TFEC: variants seen among roughly 807,000 people sequenced by gnomAD.
TFEC encodes transcription factor EC.
A neutral mutation model predicts 41.6 loss-of-function variants in TFEC; 31 were observed. The observed-to-expected ratio is 0.74, with a 90% CI of 0.56 to 1.01. The LOEUF (loss-of-function observed/expected upper bound fraction) is 1.01, where lower values mean the gene tolerates loss of function less well. Ranked by LOEUF, TFEC falls within the 50% of genes least tolerant of loss-of-function variation. TFEC has a pLI of 0.00. For missense variants in TFEC, 402 were observed against 404.1 expected (o/e 0.99, Z 0.04); for synonymous variants, 143 against 140.6 (o/e 1.02, Z -0.12).
At chr7:116,090,376 T>C (rs1451711489) in intron 3 of TFEC, among the ~76,000 whole-genome samples, 1 of 152,150 alleles carries the variant, frequency 6.6e-6, no homozygotes, top group Admixed American at 6.5e-5. Flanking sequence ...TGAGCTCCTA[T>C]GCTCGGCCTG....
chr7:116,030,293 A>G (rs1013828130), intron 1 of TFEC, among the ~76,000 whole-genome samples: 1 of 152,224 alleles, frequency 6.6e-6, no homozygotes, highest in African/African-American at 2.4e-5. Context: ...TCATAAAATA[A>G]CATATATAAG....
At chr7:116,098,284 C>G (rs578196072) in intron 3 of TFEC, among the ~76,000 whole-genome samples, 1 of 152,026 alleles carries the variant, frequency 6.6e-6, no homozygotes, top group Non-Finnish European at 1.5e-5. Context: ...CTCAGTCTCC[C>G]GAGTAGCTAG....
chr7:116,097,941 A>G (rs1271236253), intron 3 of TFEC, among the ~76,000 whole-genome samples: 1 of 152,216 alleles, frequency 6.6e-6, no homozygotes, highest in Non-Finnish European at 1.5e-5. Context: ...AGAATGAGAA[A>G]CAGAGTGAGT....
intron 1 of TFEC, among the ~76,000 whole-genome samples, chr7:116,017,210 TTGCTTTCCA>T (rs1237753897): frequency 6.6e-6 from 1 of 152,162 alleles, no homozygotes; most frequent in Non-Finnish European, 1.5e-5. Flanking sequence ...AATCTTTCAA[TTGCTTTCCA>T]TGTTTTTTTG....
At chr7:116,111,231 C>A (rs1797848967) in intron 2 of TFEC, among the ~76,000 whole-genome samples, 1 of 151,742 alleles carries the variant, frequency 6.6e-6, no homozygotes, top group African/African-American at 2.4e-5. Flanking sequence ...GGATTATGTA[C>A]AAAGGCAAGA....
At chr7:115,948,650 C>A (rs1283897818) in intron 6 of TFEC, among the ~76,000 whole-genome samples, 2 of 151,550 alleles carry the variant, frequency 1.3e-5, no homozygotes, top group African/African-American at 2.4e-5. Flanking sequence ...ATTCAACAAC[C>A]CTTCATGCTA....
chr7:115,983,303 A>AT (rs1793710531), intron 2 of TFEC, among the ~76,000 whole-genome samples: 1 of 151,802 alleles, frequency 6.6e-6, no homozygotes, highest in South Asian at 2.1e-4. Flanking sequence ...CCACATCCTT[A>AT]TTTTTTTCTC....
intron 1 of TFEC, among the ~76,000 whole-genome samples, chr7:116,144,877 G>C (rs1194726396): frequency 6.6e-6 from 1 of 152,088 alleles, no homozygotes; most frequent in Admixed American, 6.6e-5. Flanking sequence ...GTTCTTACCT[G>C]AATCTCCAGT....
chr7:115,979,201 T>C (rs943357965), intron 2 of TFEC, among the ~76,000 whole-genome samples: 1 of 152,166 alleles, frequency 6.6e-6, no homozygotes, highest in Non-Finnish European at 1.5e-5. Context: ...AATCTGATTA[T>C]GTTACCCTAG....
intron 3 of TFEC, among the ~76,000 whole-genome samples, chr7:116,055,677 T>A (rs1416210634): frequency 6.6e-6 from 1 of 152,018 alleles, no homozygotes; most frequent in Non-Finnish European, 1.5e-5. Flanking sequence ...CAAAGTAATT[T>A]TATATATATC....
chr7:116,021,053 T>C (rs1238316134), intron 1 of TFEC, among the ~76,000 whole-genome samples: 1 of 152,196 alleles, frequency 6.6e-6, no homozygotes, highest in African/African-American at 2.4e-5. Flanking sequence ...TCCATCCTTA[T>C]GGTGTTATTT....
At chr7:116,096,394 A>G (rs1797461304) in intron 3 of TFEC, among the ~76,000 whole-genome samples, 1 of 152,238 alleles carries the variant, frequency 6.6e-6, no homozygotes, top group Non-Finnish European at 1.5e-5. Context: ...TGGTGACGAA[A>G]TTAAACTGTA....
At chr7:115,962,259 C>T (rs1297329511) in intron 3 of TFEC, among the ~76,000 whole-genome samples, 5 of 151,686 alleles carry the variant, frequency 3.3e-5, no homozygotes, top group African/African-American at 9.7e-5. Context: ...TGTAACATTG[C>T]AATACTATCT....
intron 1 of TFEC, among the ~76,000 whole-genome samples, chr7:116,118,663 TTTCCTC>T (rs576643749): frequency 5.3e-5 from 8 of 151,816 alleles, no homozygotes; most frequent in Non-Finnish European, 8.8e-5. Flanking sequence ...GTCTAACACT[TTTCCTC>T]TAACAAAAAC....
chr7:115,981,494 C>T (rs1250013994), intron 2 of TFEC, among the ~76,000 whole-genome samples: 2 of 151,870 alleles, frequency 1.3e-5, no homozygotes, highest in East Asian at 3.9e-4. Flanking sequence ...TATAAATTTG[C>T]CAAAAATATG....
In TFEC at chr7:116,030,618, G is replaced by A. The variant is rs892500277; in HGVS notation, c.-73+15C>T. 16 of 985,274 alleles carry A rather than the reference G, an allele frequency of 1.6e-5. No homozygotes were observed. The highest frequency in any genetic ancestry group is 4.7e-5 in the South Asian group (1 of 21,278). 61.0% of individuals were successfully genotyped at this position (985,274 alleles called of 1,614,324 possible). On this transcript the variant is annotated intron_variant, in intron 1 of 7. Coordinates refer to ENST00000265440, the MANE Select transcript of TFEC (RefSeq NM_012252.4). ...TTAAAGTACAGAAAATTAACCTGCC[G>A]GTTTAGTTACCTACCAGCAATGAGT...
chr7:116,053,075 AAAAAG>A (rs1796351254), intron 3 of TFEC, among the ~76,000 whole-genome samples: 3 of 152,146 alleles, frequency 2.0e-5, no homozygotes, highest in Non-Finnish European at 2.9e-5. Flanking sequence ...CCATTTAAAA[AAAAAG>A]AAAGAAAGAA....
chr7:115,951,416 C>A (rs1791936881), intron 5 of TFEC, among the ~76,000 whole-genome samples: 1 of 152,018 alleles, frequency 6.6e-6, no homozygotes, highest in African/African-American at 2.4e-5. Flanking sequence ...CTATGACCTC[C>A]TTGAGGGCAG....
rs1797117110 is a variant in TFEC at position 116,082,651 on chromosome 7, T to G, written c.198+28057A>C. Among the ~76,000 whole-genome samples the G allele has an allele frequency of 2.6e-5, 4 of 151,992 alleles. No individual in the cohort carries two copies. In the South Asian group the frequency reaches 8.3e-4, roughly 31 times the overall value. On this transcript the variant is annotated intron_variant, in intron 3 of 8. Transcript: ENST00000484212. ...GATTTATTATACAGAATCTATGATT[T>G]TCCAACAATATGCTCATATGAATTT...
Sources: gnomAD v4.1 joint callset for allele counts (sites outside exome capture counted in the v4.1 genomes callset) on GRCh38, gnomAD v4.1.1 for gene constraint, MANE v1.5 for transcripts, NCBI Gene and HGNC (gene_info 2026-07-23, HGNC 2026-07-21) for gene names.